Variants in SLC24A3 observed in about 807,000 individuals in gnomAD.
SLC24A3 encodes the protein sodium/potassium/calcium exchanger 3.
SLC24A3 carries 28 observed loss-of-function variants against 75.8 expected under a neutral mutation model. The ratio of observed to expected loss-of-function variants is 0.37; its 90% CI spans 0.27 to 0.51. SLC24A3 has a LOEUF of 0.51. Among genes scored for constraint, SLC24A3 ranks in the 20% least tolerant of loss-of-function variants. The pLI is 0.94. For synonymous variants in SLC24A3, 372 were observed against 334.1 expected (o/e 1.11, Z -1.24); for missense variants, 663 against 847.8 (o/e 0.78, Z 2.71).
intron 2 of SLC24A3, among the ~76,000 whole-genome samples, chr20:19,339,891 T>C (rs1212339661): frequency 6.6e-6 from 1 of 152,256 alleles, no homozygotes; most frequent in East Asian, 1.9e-4. Flanking sequence ...GTGAGTTCCA[T>C]ATAATCTGCA....
chr20:19,686,443 T>C (rs1159693953), intron 12 of SLC24A3, among the ~76,000 whole-genome samples: 1 of 152,234 alleles, frequency 6.6e-6, no homozygotes, highest in Non-Finnish European at 1.5e-5. Flanking sequence ...GCCTATTTGC[T>C]GGACCTTCCA....
intron 3 of SLC24A3, among the ~76,000 whole-genome samples, chr20:19,520,225 CAT>C (rs1360239079): frequency 6.6e-6 from 1 of 152,164 alleles, no homozygotes. Context: ...TGGGAAAAGA[CAT>C]ATCAAGGAGA....
intron 2 of SLC24A3, among the ~76,000 whole-genome samples, chr20:19,362,439 T>C (rs1057220746): frequency 6.6e-6 from 1 of 152,184 alleles, no homozygotes; most frequent in Non-Finnish European, 1.5e-5. Context: ...CAAGTGGAAA[T>C]GGTAATATCT....
chr20:19,692,997 T>C (rs1239403449), intron 12 of SLC24A3, among the ~76,000 whole-genome samples: 1 of 152,070 alleles, frequency 6.6e-6, no homozygotes, highest in African/African-American at 2.4e-5. Context: ...CTGGTATTAC[T>C]AAGAAGTGAT....
At chr20:19,653,931 A>AAT in intron 6 of SLC24A3, 131 bp from the exon 7 acceptor site, 1 of 618,396 alleles carries the variant, frequency 1.6e-6, no homozygotes, top group Admixed American at 3.0e-5. Context: ...TACTTGAATA[A>AAT]ATTCCGATTG....
intron 1 of SLC24A3, among the ~76,000 whole-genome samples, chr20:19,259,235 T>G (rs1982909415): frequency 6.6e-6 from 1 of 152,162 alleles, no homozygotes; most frequent in African/African-American, 2.4e-5. Flanking sequence ...GTGTGCAGCT[T>G]GAGAGACAGC....
At chr20:19,219,494 G>C (rs1981650737) in intron 1 of SLC24A3, among the ~76,000 whole-genome samples, 3 of 152,324 alleles carry the variant, frequency 2.0e-5, no homozygotes, top group South Asian at 2.1e-4. Context: ...AGTGAGAAGA[G>C]AGGTGCTGAA....
intron 2 of SLC24A3, among the ~76,000 whole-genome samples, chr20:19,298,570 G>T (rs6035280): frequency 0.039 from 6,001 of 152,008 alleles, 392 homozygotes; most frequent in African/African-American, 0.14. Flanking sequence ...GTAGAGGATG[G>T]GGAAGTGAGA....
intron 2 of SLC24A3, among the ~76,000 whole-genome samples, chr20:19,335,763 C>A (rs1985116902): frequency 1.3e-5 from 2 of 152,182 alleles, no homozygotes; most frequent in Non-Finnish European, 2.9e-5. Flanking sequence ...TGAAAAGCAT[C>A]CTGCATGATC....
At chr20:19,468,180 A>G (rs1987801294) in intron 2 of SLC24A3, among the ~76,000 whole-genome samples, 1 of 152,174 alleles carries the variant, frequency 6.6e-6, no homozygotes, top group Non-Finnish European at 1.5e-5. Flanking sequence ...TTTGAAAACT[A>G]GAGCACAGAT....
intron 1 of SLC24A3, among the ~76,000 whole-genome samples, chr20:19,277,541 T>C (rs1983523153): frequency 6.6e-6 from 1 of 152,222 alleles, no homozygotes; most frequent in Non-Finnish European, 1.5e-5. Context: ...CTTGGTTCTC[T>C]GTGGGAAGGA....
At chr20:19,265,117 C>T (rs1983125092) in intron 1 of SLC24A3, among the ~76,000 whole-genome samples, 1 of 152,230 alleles carries the variant, frequency 6.6e-6, no homozygotes, top group Non-Finnish European at 1.5e-5. Context: ...CATTACTGCA[C>T]TACTACAATG....
At chr20:19,711,027 CACATGCAGTCTCACTGCCTCCCA>C (rs2032981742) in intron 15 of SLC24A3, among the ~76,000 whole-genome samples, 1 of 15,320 alleles carries the variant, frequency 6.5e-5, no homozygotes, top group Non-Finnish European at 1.2e-4. Context: ...TCCCAGTATG[CACATGCAGTCTCACTGCCTCCCA>C]GTATGCACAT....
At chr20:19,624,902 A>G (rs1032447697) in intron 6 of SLC24A3, among the ~76,000 whole-genome samples, 5 of 152,138 alleles carry the variant, frequency 3.3e-5, no homozygotes, top group African/African-American at 1.2e-4. Context: ...TAAAACAACA[A>G]ATTTTATATA....
intron 1 of SLC24A3, among the ~76,000 whole-genome samples, chr20:19,214,538 G>A (rs1187145281): frequency 6.6e-6 from 1 of 152,050 alleles, no homozygotes; most frequent in African/African-American, 2.4e-5. Flanking sequence ...TGGTATGTTG[G>A]GGCTCTATGA....
intron 11 of SLC24A3, among the ~76,000 whole-genome samples, chr20:19,684,785 C>T (rs2032654649): frequency 6.6e-6 from 1 of 152,166 alleles, no homozygotes. Flanking sequence ...CACATAGGGA[C>T]CCAGGAACTC....
intron 1 of SLC24A3, among the ~76,000 whole-genome samples, chr20:19,221,445 T>G (rs1317999999): frequency 6.6e-6 from 1 of 152,192 alleles, no homozygotes; most frequent in African/African-American, 2.4e-5. Context: ...CAGGTATGCG[T>G]CTTTCTTAGC....
At chr20:19,293,776 A>C (rs557453629) in intron 2 of SLC24A3, among the ~76,000 whole-genome samples, 1 of 152,210 alleles carries the variant, frequency 6.6e-6, no homozygotes. Context: ...CCCACTATAA[A>C]TATAGAATTA....
chr20:19,366,529 C>T (rs772711520), intron 2 of SLC24A3, among the ~76,000 whole-genome samples: 1 of 152,092 alleles, frequency 6.6e-6, no homozygotes, highest in Non-Finnish European at 1.5e-5. Flanking sequence ...CCCTAATGAC[C>T]AGCCCTTACC....
Sources: gnomAD v4.1 joint callset for allele counts (sites outside exome capture counted in the v4.1 genomes callset) on GRCh38, gnomAD v4.1.1 for gene constraint, MANE v1.5 for transcripts, NCBI Gene and HGNC (gene_info 2026-07-23, HGNC 2026-07-21) for gene names.